ABCD4: variants seen among roughly 807,000 people sequenced by gnomAD.
ABCD4 encodes lysosomal cobalamin transporter ABCD4.
ABCD4 carries 53 observed loss-of-function variants against 86.3 expected under a neutral mutation model. The ratio of observed to expected loss-of-function variants is 0.61; its 90% CI spans 0.49 to 0.77. ABCD4 has a LOEUF of 0.77. ABCD4 is among the 30% of genes least tolerant of loss of function. The pLI, the probability that ABCD4 is intolerant of heterozygous loss-of-function variation, is 0.00. For synonymous variants in ABCD4, 328 were observed against 313.6 expected, an observed-to-expected ratio of 1.05 and a Z score of -0.49; for missense variants, 757 against 764.5, an observed-to-expected ratio of 0.99 and a Z score of 0.12.
Position 74,292,612 on chromosome 14 carries a change from AG to A in ABCD4, c.966del (p.Cys323AlafsTer34). The A allele has an allele frequency of 6.2e-7, 1 of 1,612,840 alleles. No homozygotes were observed. The highest frequency in any genetic ancestry group is 1.3e-5 in the African/African-American group (1 of 74,592). The part of the protein sequence containing the change: ...KNAFVCIYLI[S>X]CFTQLIDLST... ...GACAGGTCGATGAGCTGGGTGAAGC[AG>A]CTGATGAGGTAGATGCACACAAAGG... On this transcript the variant is annotated frameshift_variant, in exon 10 of 19. Transcript: ENST00000356924. LOFTEE classifies it high-confidence loss of function.
intron 15 of ABCD4, 45 bp downstream of exon 15, chr14:74,288,671 G>A (rs541820889): frequency 2.5e-6 from 4 of 1,603,608 alleles, no homozygotes; most frequent in African/African-American, 2.7e-5. Flanking sequence ...TGTAGCTGGT[G>A]CTCCCAGGTG....
At chr14:74,287,989 G>T in intron 16 of ABCD4, 103 bp from the exon 17 acceptor site, 2 of 1,199,618 alleles carry the variant, frequency 1.7e-6, no homozygotes, top group Non-Finnish European at 2.4e-6. Flanking sequence ...ACAGAGGTGA[G>T]CCCCAGGAGA....
intron 1 of ABCD4, among the ~76,000 whole-genome samples, chr14:74,300,666 T>C (rs370973207): frequency 1.3e-5 from 2 of 151,476 alleles, no homozygotes; most frequent in East Asian, 1.9e-4. Flanking sequence ...ACGTGAAAAG[T>C]AACACTATCA....
At chr14:74,300,335 A>G (rs1951697443) in intron 1 of ABCD4, 67 bp from the exon 2 acceptor site, 1 of 1,022,518 alleles carries the variant, frequency 9.8e-7, no homozygotes, top group South Asian at 1.3e-5. Context: ...AGTAGTTATT[A>G]AGCTCATCCA....
intron 14 of ABCD4, 152 bp downstream of exon 14, chr14:74,289,331 A>C: frequency 6.9e-7 from 1 of 1,446,372 alleles, no homozygotes; most frequent in Non-Finnish European, 9.1e-7. Flanking sequence ...CAGACCCCAA[A>C]ACAGTCAAAG....
chr14:74,290,859 G>A (rs2081317145), intron 11 of ABCD4, among the ~76,000 whole-genome samples: 1 of 151,942 alleles, frequency 6.6e-6, no homozygotes, highest in Admixed American at 6.6e-5. Context: ...TTTTAGTAGA[G>A]ACAGGGTTTC....
At chr14:74,290,584 C>T (rs906716826) in intron 11 of ABCD4, 85 bp from the exon 12 acceptor site, 2 of 1,040,736 alleles carry the variant, frequency 1.9e-6, no homozygotes, top group Non-Finnish European at 1.5e-6. Context: ...GGAGCCACCA[C>T]CTGTGGATTA....
intron 14 of ABCD4, 141 bp from the exon 15 acceptor site, chr14:74,288,906 G>A: frequency 9.0e-7 from 1 of 1,105,968 alleles, no homozygotes; most frequent in South Asian, 1.6e-5. Context: ...AAGGTCAGGA[G>A]ATGGAGACCA....
chr14:74,286,665 TTCTC>T (rs758434600), intron 18 of ABCD4, 32 bp downstream of exon 18: 9 of 1,613,466 alleles, frequency 5.6e-6, no homozygotes, highest in Non-Finnish European at 7.6e-6. Flanking sequence ...TTTGGGTTCT[TTCTC>T]CTCCTCAGGC....
chr14:74,290,290 C>G lies in ABCD4; in HGVS notation c.1327+1G>C. 3 of 1,614,198 alleles carry G rather than the reference C, an allele frequency of 1.9e-6. No homozygotes were observed. The highest frequency in any genetic ancestry group is 2.5e-6 in the Non-Finnish European group (3 of 1,180,028). On this transcript the variant is annotated splice_donor_variant, in intron 12 of 18. Transcript: ENST00000356924. LOFTEE classifies it high-confidence loss of function. The stretch of plus-strand genomic sequence containing the variant: ...AGAGGCAGGGAGGGCCTGGCTCTCA[C>G]CCCGTGTACTCGTCCAGAGGCCACC...
Position 74,288,749 on chromosome 14 carries a change from C to G in ABCD4, c.1473G>C (p.Glu491Asp). 6.2e-7 allele frequency: 1 copy of G among 1,613,812 alleles called. No homozygotes were observed. The highest frequency in any genetic ancestry group is 8.5e-7 in the Non-Finnish European group (1 of 1,179,942). ...CCAATTCCAAGAACCTCAAGATCCT[C>G]TCATCATCGGCAGAACCTGCACAAC... ...VYPDSGSADD[E>D]RILRFLELAG... The change falls in exon 15 of 19, where the codon GAG (glutamate) becomes GAC (aspartate). Residue 491 changes from glutamate (E) to aspartate (D), a missense_variant. By Grantham distance (45) the Glu-to-Asp change is conservative (BLOSUM62 2). Coordinates refer to ENST00000356924, the MANE Select transcript of ABCD4 (RefSeq NM_005050.4).
In ABCD4 at chr14:74,295,139, CAG is replaced by C; in HGVS notation, c.719+7_719+8del. The C allele has an allele frequency of 2.5e-6, 4 of 1,614,170 alleles. No homozygotes were observed. Among genetic ancestry groups the C allele is most frequent in the Non-Finnish European group, 3.4e-6 (4 of 1,180,020 alleles). On this transcript the variant is annotated splice_region_variant and intron_variant, in intron 7 of 18. Coordinates refer to ENST00000356924, the MANE Select transcript of ABCD4 (RefSeq NM_005050.4). Reference sequence around the variant, plus strand: ...CAAGGCAGAAGGGGAACCATCTCTCCAGACTCACCTGTAGAAAGCAGCAGGCT... The same window carrying C: ...CAAGGCAGAAGGGGAACCATCTCTCCACTCACCTGTAGAAAGCAGCAGGCT...
At chr14:74,286,650 G>C (rs2139693804) in intron 18 of ABCD4, 51 bp downstream of exon 18, 1 of 1,613,198 alleles carries the variant, frequency 6.2e-7, no homozygotes, top group South Asian at 1.1e-5. Context: ...TGGCCAGGCT[G>C]AGCCTTTGGG....
At chr14:74,289,593 T>G in intron 13 of ABCD4, 74 bp from the exon 14 acceptor site, 1 of 1,579,564 alleles carries the variant, frequency 6.3e-7, no homozygotes, top group Admixed American at 1.8e-5. Context: ...CCACCCTCCC[T>G]CCAGAACCCA....
chr14:74,301,160 CTT>C (rs36088801), intron 1 of ABCD4, among the ~76,000 whole-genome samples: 47 of 124,248 alleles, frequency 3.8e-4, no homozygotes, highest in Non-Finnish European at 3.2e-4. Context: ...GGCCTAAAAT[CTT>C]TTTTTTTTTT....
chr14:74,286,857 C>A (rs1355140667), intron 17 of ABCD4, 41 bp from the exon 18 acceptor site: 1 of 1,576,056 alleles, frequency 6.3e-7, no homozygotes, highest in Non-Finnish European at 8.7e-7. Context: ...AAAGCCCTGC[C>A]CTCTGCCGCC....
At chr14:74,290,888 G>C (rs2081324218) in intron 11 of ABCD4, among the ~76,000 whole-genome samples, 1 of 151,906 alleles carries the variant, frequency 6.6e-6, no homozygotes, top group Admixed American at 6.6e-5. Flanking sequence ...GGCCAGTCTG[G>C]TCTCGAACTT....
intron 11 of ABCD4, among the ~76,000 whole-genome samples, chr14:74,291,767 A>G (rs558287402): frequency 6.6e-6 from 1 of 152,336 alleles, no homozygotes; most frequent in Admixed American, 6.5e-5. Context: ...ATGGATGATG[A>G]TATCTAATCC....
At chr14:74,295,332 C>T in intron 6 of ABCD4, 134 bp from the exon 7 acceptor site, 1 of 959,742 alleles carries the variant, frequency 1.0e-6, no homozygotes, top group Non-Finnish European at 1.6e-6. Context: ...CAGTCTGACC[C>T]TTTCCTGGAC....
Sources: gnomAD v4.1 joint callset for allele counts (sites outside exome capture counted in the v4.1 genomes callset) on GRCh38, gnomAD v4.1.1 for gene constraint, MANE v1.5 for transcripts, NCBI Gene and HGNC (gene_info 2026-07-23, HGNC 2026-07-21) for gene names.